LRRC4C: variants seen among roughly 807,000 people sequenced by gnomAD.
The protein encoded by LRRC4C is leucine rich repeat containing 4C.
In LRRC4C, 5 loss-of-function variants were observed where a neutral mutation model predicts 33.6. The observed-to-expected ratio is 0.15, with a 90% CI of 0.08 to 0.31. The LOEUF is 0.31. Among genes scored for constraint, LRRC4C ranks in the 10% least tolerant of loss-of-function variants. The pLI is 1.00. For missense variants in LRRC4C, 560 were observed against 796.7 expected (o/e 0.70, Z 3.58); for synonymous variants, 329 against 302.0 (o/e 1.09, Z -0.93).
intron 5 of LRRC4C, among the ~76,000 whole-genome samples, chr11:40,181,801 C>G (rs952933317): frequency 6.6e-6 from 1 of 152,162 alleles, no homozygotes; most frequent in Admixed American, 6.5e-5. Context: ...AAAAGAGAGA[C>G]AAGGGAAATG....
intron 4 of LRRC4C, among the ~76,000 whole-genome samples, chr11:40,289,977 A>G (rs1404653622): frequency 6.6e-6 from 1 of 152,202 alleles, no homozygotes; most frequent in Admixed American, 6.5e-5. Context: ...GACACTATCA[A>G]GGAGAGGAAT....
intron 4 of LRRC4C, among the ~76,000 whole-genome samples, chr11:40,243,687 CTTTTTTTT>C (rs1274780074): frequency 8.5e-6 from 1 of 117,184 alleles, no homozygotes; most frequent in Admixed American, 9.6e-5. Flanking sequence ...AAACTTATAT[CTTTTTTTT>C]TTTTTTTTTT....
chr11:41,298,707 C>T (rs1950207706), intron 1 of LRRC4C, among the ~76,000 whole-genome samples: 1 of 152,124 alleles, frequency 6.6e-6, no homozygotes, highest in Non-Finnish European at 1.5e-5. Context: ...ACAATTTGTA[C>T]TGGTGAACTC....
intron 2 of LRRC4C, among the ~76,000 whole-genome samples, chr11:40,813,515 A>T (rs1951579846): frequency 6.6e-6 from 1 of 152,120 alleles, no homozygotes; most frequent in African/African-American, 2.4e-5. Context: ...ATTACAATTC[A>T]AGATGAGATT....
At chr11:40,542,143 C>T (rs1956744317) in intron 3 of LRRC4C, among the ~76,000 whole-genome samples, 1 of 151,024 alleles carries the variant, frequency 6.6e-6, no homozygotes, top group Non-Finnish European at 1.5e-5. Flanking sequence ...ATAACACAGA[C>T]CTGTATGGAG....
intron 2 of LRRC4C, among the ~76,000 whole-genome samples, chr11:40,800,996 C>T (rs1368803518): frequency 6.6e-6 from 1 of 152,044 alleles, no homozygotes; most frequent in Non-Finnish European, 1.5e-5. Context: ...GTCTTTCCTT[C>T]AACTTAGAGG....
At chr11:40,948,737 T>C (rs1404216725) in intron 1 of LRRC4C, among the ~76,000 whole-genome samples, 1 of 148,522 alleles carries the variant, frequency 6.7e-6, no homozygotes, top group African/African-American at 2.5e-5. Flanking sequence ...ATGGTGTATA[T>C]GTGCCACATT....
chr11:40,139,773 G>A (rs528501986), intron 6 of LRRC4C, among the ~76,000 whole-genome samples: 1 of 152,280 alleles, frequency 6.6e-6, no homozygotes, highest in Admixed American at 6.5e-5. Flanking sequence ...CTGTTTTATA[G>A]GCATTTGAAT....
chr11:40,765,946 A>G (rs1404840871), intron 2 of LRRC4C, among the ~76,000 whole-genome samples: 8 of 152,056 alleles, frequency 5.3e-5, no homozygotes, highest in Admixed American at 4.6e-4. Context: ...TCCCAAACCT[A>G]TAGAAGGATA....
chr11:40,643,683 C>A (rs899191877), intron 3 of LRRC4C, among the ~76,000 whole-genome samples: 3 of 152,142 alleles, frequency 2.0e-5, no homozygotes, highest in Admixed American at 2.0e-4. Flanking sequence ...ACAAGTCATT[C>A]CTATTCCTCC....
At chr11:41,091,879 A>G (rs1477848581) in intron 1 of LRRC4C, among the ~76,000 whole-genome samples, 2 of 152,166 alleles carry the variant, frequency 1.3e-5, no homozygotes, top group Admixed American at 1.3e-4. Context: ...TTAGTAATGT[A>G]TGCAAGTTCT....
chr11:40,787,100 C>T (rs1424599454), intron 2 of LRRC4C, among the ~76,000 whole-genome samples: 1 of 152,114 alleles, frequency 6.6e-6, no homozygotes, highest in Non-Finnish European at 1.5e-5. Context: ...GTAGTTCTCC[C>T]CATGTCTCAG....
chr11:41,285,596 G>A (rs1266913724), intron 1 of LRRC4C, among the ~76,000 whole-genome samples: 1 of 152,124 alleles, frequency 6.6e-6, no homozygotes, highest in Non-Finnish European at 1.5e-5. Flanking sequence ...ATGATGTGGG[G>A]AGGAAGCCAG....
chr11:41,104,081 A>G (rs945647193), intron 1 of LRRC4C, among the ~76,000 whole-genome samples: 10 of 151,962 alleles, frequency 6.6e-5, no homozygotes, highest in African/African-American at 2.4e-4. Flanking sequence ...ACATGAGCAC[A>G]TAAAATATGA....
At chr11:40,472,830 C>T (rs1953012710) in intron 3 of LRRC4C, among the ~76,000 whole-genome samples, 1 of 152,178 alleles carries the variant, frequency 6.6e-6, no homozygotes, top group Non-Finnish European at 1.5e-5. Flanking sequence ...ATAAACACCT[C>T]TACACAAATA....
At chr11:40,946,271 T>A (rs1480003554) in intron 1 of LRRC4C, among the ~76,000 whole-genome samples, 1 of 152,152 alleles carries the variant, frequency 6.6e-6, no homozygotes, top group East Asian at 1.9e-4. Flanking sequence ...ATAATTTCAT[T>A]CTTTTGTATG....
intron 1 of LRRC4C, among the ~76,000 whole-genome samples, chr11:40,982,533 T>C (rs1852616853): frequency 6.6e-6 from 1 of 152,202 alleles, no homozygotes; most frequent in Admixed American, 6.5e-5. Context: ...TACCATGAAA[T>C]GCAGATTAGT....
At chr11:40,713,674 A>G (rs1217632691) in intron 2 of LRRC4C, among the ~76,000 whole-genome samples, 1 of 152,250 alleles carries the variant, frequency 6.6e-6, no homozygotes, top group Non-Finnish European at 1.5e-5. Context: ...TGAGTAAGAC[A>G]TTTAGAAATA....
At chr11:41,091,792 G>T (rs1388208480) in intron 1 of LRRC4C, among the ~76,000 whole-genome samples, 1 of 152,020 alleles carries the variant, frequency 6.6e-6, no homozygotes, top group East Asian at 1.9e-4. Flanking sequence ...ACACTAACCA[G>T]GTGGCTGGCG....
Sources: gnomAD v4.1 joint callset for allele counts (sites outside exome capture counted in the v4.1 genomes callset) on GRCh38, gnomAD v4.1.1 for gene constraint, MANE v1.5 for transcripts, NCBI Gene and HGNC (gene_info 2026-07-23, HGNC 2026-07-21) for gene names.